Variants in ARHGAP26 observed in about 807,000 individuals in gnomAD.
ARHGAP26 encodes rho GTPase-activating protein 26.
A neutral mutation model predicts 104.8 loss-of-function variants in ARHGAP26; 38 were observed. The observed-to-expected ratio is 0.36, with a 90% confidence interval of 0.28 to 0.48. The LOEUF (loss-of-function observed/expected upper bound fraction) is 0.48. ARHGAP26 is among the 20% of genes least tolerant of loss of function. The pLI is 0.99. For synonymous variants in ARHGAP26, 341 were observed against 340.0 expected, an observed-to-expected ratio of 1.00 and a Z score of -0.03; for missense variants, 704 against 947.9, an observed-to-expected ratio of 0.74 and a Z score of 3.38.
At chr5:143,197,469 A>G in intron 20 of ARHGAP26, among the ~76,000 whole-genome samples, 1 of 152,122 alleles carries the variant, frequency 6.6e-6, no homozygotes, top group East Asian at 1.9e-4. Context: ...TTTAATCTGC[A>G]TTTCCTGCAG....
At chr5:142,992,212 C>T (rs1387058691) in intron 11 of ARHGAP26, among the ~76,000 whole-genome samples, 1 of 151,830 alleles carries the variant, frequency 6.6e-6, no homozygotes, top group Non-Finnish European at 1.5e-5. Context: ...CTTTATGCAT[C>T]CTATCTTTGT....
chr5:143,107,798 G>C (rs1356834634), intron 17 of ARHGAP26, among the ~76,000 whole-genome samples: 2 of 152,146 alleles, frequency 1.3e-5, no homozygotes, highest in Non-Finnish European at 2.9e-5. Context: ...TTGGATCTCT[G>C]GTTTCTGTTG....
At chr5:143,025,651 C>T (rs960687947) in intron 12 of ARHGAP26, among the ~76,000 whole-genome samples, 2 of 152,194 alleles carry the variant, frequency 1.3e-5, no homozygotes, top group Non-Finnish European at 2.9e-5. Context: ...TGCTCTTTTG[C>T]TGCTATTCTG....
intron 18 of ARHGAP26, among the ~76,000 whole-genome samples, chr5:143,126,916 A>G (rs565144347): frequency 6.6e-6 from 1 of 152,344 alleles, no homozygotes; most frequent in South Asian, 2.1e-4. Flanking sequence ...ACTGAGTCTT[A>G]AAACATAAAG....
chr5:143,076,507 G>A (rs1046843894), intron 17 of ARHGAP26, among the ~76,000 whole-genome samples: 3 of 152,062 alleles, frequency 2.0e-5, no homozygotes, highest in African/African-American at 4.8e-5. Context: ...ATTTATATGT[G>A]TGGGCATATT....
intron 1 of ARHGAP26, among the ~76,000 whole-genome samples, chr5:142,838,590 A>G (rs998088829): frequency 6.6e-6 from 1 of 152,212 alleles, no homozygotes; most frequent in East Asian, 1.9e-4. Flanking sequence ...TAATGCCTAC[A>G]TTTCAAGATG....
chr5:143,024,703 C>A (rs1206542281), intron 12 of ARHGAP26, among the ~76,000 whole-genome samples: 1 of 152,184 alleles, frequency 6.6e-6, no homozygotes, highest in African/African-American at 2.4e-5. Flanking sequence ...GAGCTAGATA[C>A]TATTATTGAC....
intron 22 of ARHGAP26, among the ~76,000 whole-genome samples, chr5:143,219,552 A>G (rs1282796377): frequency 2.0e-5 from 3 of 152,328 alleles, no homozygotes; most frequent in Middle Eastern, 3.4e-3. Context: ...AGGAGGGAGC[A>G]GGTAGAAGGG....
At chr5:142,882,097 A>C (rs1411350126) in intron 4 of ARHGAP26, among the ~76,000 whole-genome samples, 1 of 152,198 alleles carries the variant, frequency 6.6e-6, no homozygotes, top group Non-Finnish European at 1.5e-5. Context: ...TGGACTCTAG[A>C]ATAAGTATAA....
intron 1 of ARHGAP26, among the ~76,000 whole-genome samples, chr5:142,824,268 A>G (rs1465284028): frequency 6.6e-6 from 1 of 152,292 alleles, no homozygotes; most frequent in African/African-American, 2.4e-5. Context: ...GAGCTCTGCT[A>G]GTTGCTCTTG....
chr5:142,858,320 A>T (rs970903479), intron 1 of ARHGAP26, among the ~76,000 whole-genome samples: 8 of 152,190 alleles, frequency 5.3e-5, no homozygotes, highest in African/African-American at 1.9e-4. Flanking sequence ...GTTTTAAAAT[A>T]ATATCAGTGG....
rs1597539610 is a variant in ARHGAP26, at chr5:142,770,611, G to T, written c.-151G>T. Reference sequence around the variant, plus strand: ...CGGTTCGGGAGTCTTGCGCGCCGGCGGACACCGCGCGCGGAGTGAGCCAGC... The same window carrying T: ...CGGTTCGGGAGTCTTGCGCGCCGGCTGACACCGCGCGCGGAGTGAGCCAGC... On this transcript the variant is annotated 5_prime_UTR_variant, in exon 1 of 23. Transcript: ENST00000645722. 2.2e-6 allele frequency: 1 copy of T among 452,426 alleles called. No individual in the cohort carries two copies. Among genetic ancestry groups the T allele is most frequent in the East Asian group, 8.2e-5 (1 of 12,130 alleles). 28.0% of individuals were successfully genotyped at this position (452,426 alleles called of 1,614,324 possible). A position where few individuals can be genotyped will look rare whatever the true frequency, so the allele number is the denominator to read the frequency against.
In ARHGAP26 at chr5:143,072,496, C is replaced by T. The variant is rs115983253; in HGVS notation, c.1538+14749C>T. ...TATTCATGATAACCAAAATATGGTACCAACCTATGTGTCCAGCAGCAGATG... is the reference window on the plus strand; with the variant it reads ...TATTCATGATAACCAAAATATGGTATCAACCTATGTGTCCAGCAGCAGATG... On this transcript the variant is annotated intron_variant, in intron 17 of 22. Transcript: ENST00000645722. Among the ~76,000 whole-genome samples the T allele has an allele frequency of 9.5e-3, 1,439 of 152,254 alleles. 26 individuals are homozygous for T. Among genetic ancestry groups the T allele is most frequent in the African/African-American group, 0.033 (1,370 of 41,550 alleles).
chr5:143,095,759 G>A (rs887992371), intron 17 of ARHGAP26, among the ~76,000 whole-genome samples: 1 of 152,164 alleles, frequency 6.6e-6, no homozygotes, highest in African/African-American at 2.4e-5. Context: ...TTTTGGTAGA[G>A]ATGGGGTTTC....
chr5:143,191,163 A>G (rs1805869793), intron 20 of ARHGAP26, among the ~76,000 whole-genome samples: 1 of 152,252 alleles, frequency 6.6e-6, no homozygotes, highest in Non-Finnish European at 1.5e-5. Flanking sequence ...AGTAAGGCAG[A>G]TAAATTTCAT....
intron 11 of ARHGAP26, among the ~76,000 whole-genome samples, chr5:142,935,955 T>A (rs1298554128): frequency 6.6e-6 from 1 of 152,122 alleles, no homozygotes; most frequent in African/African-American, 2.4e-5. Flanking sequence ...TGAGGGTGTT[T>A]GCTGTCACCA....
chr5:143,087,073 T>A (rs1170889127), intron 17 of ARHGAP26, among the ~76,000 whole-genome samples: 1 of 152,250 alleles, frequency 6.6e-6, no homozygotes, highest in Non-Finnish European at 1.5e-5. Context: ...GTGACTCATG[T>A]GTGTTATCAG....
rs775989661 is a variant in ARHGAP26, at chr5:143,057,715, G to C, written c.1506G>C (p.Gln502His). 4.3e-6 allele frequency: 7 copies of C among 1,613,874 alleles called. No individual in the cohort carries two copies. In the African/African-American group the frequency reaches 8.0e-5, roughly 18 times the overall value. The change falls in exon 17 of 23, where the codon CAG becomes CAC. Residue 502 changes from glutamine (Q) to histidine (H), a missense_variant. Coordinates refer to ENST00000645722, the MANE Select transcript of ARHGAP26 (RefSeq NM_001135608.3). ...ATCGGCTCCCAGAGAAAAATCGGCA[G>C]ATGTTACAGCTGCTCATGAACCACT... ...LVHRLPEKNR[Q>H]MLQLLMNHLA...
chr5:142,939,525 A>G (rs1236353035), intron 11 of ARHGAP26, among the ~76,000 whole-genome samples: 2 of 152,152 alleles, frequency 1.3e-5, no homozygotes, highest in Non-Finnish European at 2.9e-5. Flanking sequence ...TCCTTCTAGA[A>G]CTCCTGGAAT....
Sources: allele counts gnomAD v4.1 joint callset (sites outside exome capture counted in the v4.1 genomes callset), GRCh38; gene constraint gnomAD v4.1.1; transcripts MANE v1.5; gene names NCBI Gene and HGNC (gene_info 2026-07-23, HGNC 2026-07-21).